ST6GALNAC3: variants seen among roughly 807,000 people sequenced by gnomAD.
ST6GALNAC3 encodes alpha-N-acetylgalactosaminide alpha-2,6-sialyltransferase 3.
ST6GALNAC3 carries 25 observed loss-of-function variants against 32.7 expected under a neutral mutation model. That is an observed-to-expected ratio of 0.76 (90% CI 0.56 to 1.07). The LOEUF is 1.07. Ranked by LOEUF, ST6GALNAC3 falls within the 50% of genes least tolerant of loss-of-function variation. The pLI is 0.00. For missense variants in ST6GALNAC3, 355 were observed against 382.4 expected (o/e 0.93, Z 0.60); for synonymous variants, 129 against 133.1 (o/e 0.97, Z 0.21).
rs117032117 is a variant in ST6GALNAC3 at position 76,316,247 on chromosome 1, T to A, written c.213+2248T>A. Among the ~76,000 whole-genome samples the A allele has an allele frequency of 3.8e-3, 571 of 152,218 alleles. 13 individuals carry two copies. Among genetic ancestry groups the A allele is most frequent in the East Asian group, 0.03 (156 of 5,166 alleles). On this transcript the variant is annotated intron_variant, in intron 2 of 4. Coordinates refer to ENST00000328299, the MANE Select transcript of ST6GALNAC3 (RefSeq NM_152996.4). Reference sequence around the variant, plus strand: ...CTGTTGTATTGAGCAAAGTTGAAGATTTACATGCTGTATGCCCAACCATTT... The same window carrying A: ...CTGTTGTATTGAGCAAAGTTGAAGAATTACATGCTGTATGCCCAACCATTT...
chr1:76,446,693 T>C (rs1266822089), intron 3 of ST6GALNAC3, among the ~76,000 whole-genome samples: 3 of 152,210 alleles, frequency 2.0e-5, no homozygotes, highest in Admixed American at 1.3e-4. Flanking sequence ...TCCCATGCTG[T>C]TCTCATGATA....
chr1:76,461,524 A>G lies in ST6GALNAC3; in HGVS notation c.623+49107A>G, dbSNP rs545269696. Among the ~76,000 whole-genome samples, 24 of 152,322 alleles carry G rather than the reference A, an allele frequency of 1.6e-4. No individual in the cohort carries two copies. In the South Asian group the frequency reaches 4.8e-3, roughly 30 times the overall value. On this transcript the variant is annotated intron_variant, in intron 3 of 4. Coordinates refer to ENST00000328299, the MANE Select transcript of ST6GALNAC3 (RefSeq NM_152996.4). ...TGGTGCTTCGTGCTGGAGCCTTTATATCAGCTCCTTCTTCTCCAGAGACTT... is the reference window on the plus strand; with the variant it reads ...TGGTGCTTCGTGCTGGAGCCTTTATGTCAGCTCCTTCTTCTCCAGAGACTT...
At chr1:76,213,168 G>A (rs1431293767) in intron 1 of ST6GALNAC3, among the ~76,000 whole-genome samples, 1 of 152,114 alleles carries the variant, frequency 6.6e-6, no homozygotes, top group East Asian at 1.9e-4. Context: ...TGTTGGGTAG[G>A]GCCATGGGGT....
chr1:76,278,061 T>C (rs72998579), intron 1 of ST6GALNAC3, among the ~76,000 whole-genome samples: 2,125 of 152,188 alleles, frequency 0.014, 44 homozygotes, highest in African/African-American at 0.049. Flanking sequence ...TTTCATTAAA[T>C]TTATAGTTTT....
At chr1:76,123,099 C>T (rs908020681) in intron 1 of ST6GALNAC3, among the ~76,000 whole-genome samples, 13 of 152,248 alleles carry the variant, frequency 8.5e-5, no homozygotes, top group East Asian at 1.9e-4. Context: ...TGGCTGGGCA[C>T]GGTGGCTCAT....
At chr1:76,413,262 C>G (rs1444580187) in intron 3 of ST6GALNAC3, among the ~76,000 whole-genome samples, 1 of 152,058 alleles carries the variant, frequency 6.6e-6, no homozygotes, top group East Asian at 1.9e-4. Flanking sequence ...AATTACAAAT[C>G]AGACAATCTT....
At chr1:76,410,103 A>C (rs879163752) in intron 2 of ST6GALNAC3, among the ~76,000 whole-genome samples, 2 of 152,080 alleles carry the variant, frequency 1.3e-5, no homozygotes, top group Admixed American at 1.3e-4. Context: ...AAGCTGTTAA[A>C]ATGTAACTCA....
intron 3 of ST6GALNAC3, among the ~76,000 whole-genome samples, chr1:76,511,044 C>A (rs1325934952): frequency 6.6e-6 from 1 of 152,114 alleles, no homozygotes; most frequent in Non-Finnish European, 1.5e-5. Flanking sequence ...AATTGGCTTC[C>A]CAGATGGGGT....
chr1:76,330,506 T>A (rs1647169934), intron 2 of ST6GALNAC3, among the ~76,000 whole-genome samples: 2 of 152,246 alleles, frequency 1.3e-5, no homozygotes, highest in Admixed American at 6.5e-5. Flanking sequence ...ACATCAAATG[T>A]CTTCCTGTGC....
intron 2 of ST6GALNAC3, among the ~76,000 whole-genome samples, chr1:76,345,855 C>T (rs1648460994): frequency 6.6e-6 from 1 of 152,088 alleles, no homozygotes; most frequent in African/African-American, 2.4e-5. Context: ...TATTTTTGAT[C>T]AAACCAATTG....
chr1:76,447,520 GA>G, intron 3 of ST6GALNAC3, among the ~76,000 whole-genome samples: 1 of 152,248 alleles, frequency 6.6e-6, no homozygotes, highest in East Asian at 1.9e-4. Context: ...AAGACAATGG[GA>G]AAATGTCTCC....
chr1:76,270,561 ATC>A (rs1211577829), intron 1 of ST6GALNAC3, among the ~76,000 whole-genome samples: 2 of 150,924 alleles, frequency 1.3e-5, no homozygotes, highest in East Asian at 1.9e-4. Flanking sequence ...AGTTCCTGTC[ATC>A]TCTCTTTATT....
chr1:76,156,969 G>C (rs972022133), intron 1 of ST6GALNAC3, among the ~76,000 whole-genome samples: 1 of 152,168 alleles, frequency 6.6e-6, no homozygotes, highest in Non-Finnish European at 1.5e-5. Flanking sequence ...CTGACCTCGT[G>C]ATCTGCCCGC....
At chr1:76,549,545 G>A (rs752634908) in intron 3 of ST6GALNAC3, among the ~76,000 whole-genome samples, 11 of 151,740 alleles carry the variant, frequency 7.2e-5, no homozygotes, top group Non-Finnish European at 1.5e-4. Flanking sequence ...GTAGTGTTTT[G>A]TTGTATAAAT....
At chr1:76,550,813 C>T (rs540535699) in intron 3 of ST6GALNAC3, among the ~76,000 whole-genome samples, 2 of 152,070 alleles carry the variant, frequency 1.3e-5, no homozygotes, top group Non-Finnish European at 2.9e-5. Flanking sequence ...TGCAATGGAG[C>T]GATCTCAGTT....
At chr1:76,356,347 T>C (rs779190667) in intron 2 of ST6GALNAC3, among the ~76,000 whole-genome samples, 6 of 148,724 alleles carry the variant, frequency 4.0e-5, no homozygotes, top group Non-Finnish European at 8.9e-5. Flanking sequence ...CCAAAACAAA[T>C]TAAGTAATTT....
intron 2 of ST6GALNAC3, among the ~76,000 whole-genome samples, chr1:76,361,609 T>A (rs2101052022): frequency 6.6e-6 from 1 of 152,328 alleles, no homozygotes; most frequent in Non-Finnish European, 1.5e-5. Context: ...AGGAAGAATA[T>A]TTTTATACAC....
In ST6GALNAC3 at chr1:76,112,093, C is replaced by G. The variant is rs1193340279; in HGVS notation, c.18+37209C>G. Among the ~76,000 whole-genome samples the G allele has an allele frequency of 9.5e-5, 14 of 147,110 alleles. 1 individual carries two copies. The highest frequency in any genetic ancestry group is 1.5e-5 in the Non-Finnish European group (1 of 65,942). ...CTGACCCCCCCACCTCCCTCCCGGA[C>G]GGGGCGGCTGGCCGGGCGGGGGGCT... On this transcript the variant is annotated intron_variant, in intron 1 of 4. Transcript: ENST00000328299.
At chr1:76,104,272 C>A (rs1269860929) in intron 1 of ST6GALNAC3, among the ~76,000 whole-genome samples, 1 of 152,098 alleles carries the variant, frequency 6.6e-6, no homozygotes, top group Non-Finnish European at 1.5e-5. Flanking sequence ...GTTTCTCAAC[C>A]CCAGAAGGGA....
Sources: allele counts gnomAD v4.1 joint callset (sites outside exome capture counted in the v4.1 genomes callset), GRCh38; gene constraint gnomAD v4.1.1; transcripts MANE v1.5; gene names NCBI Gene and HGNC (gene_info 2026-07-23, HGNC 2026-07-21).